The following ERI3 variants were observed in gnomAD, a reference collection of about 807,000 sequenced individuals.
ERI3 encodes ERI1 exoribonuclease 3.
ERI3 carries 18 observed loss-of-function variants against 44.4 expected under a neutral mutation model. The observed-to-expected ratio is 0.41, with a 90% confidence interval of 0.28 to 0.60. ERI3 has a LOEUF of 0.60. Among genes scored for constraint, ERI3 ranks in the 20% least tolerant of loss-of-function variants. ERI3 has a pLI of 0.36. For missense variants in ERI3, 294 were observed against 435.5 expected (o/e 0.68, Z 2.89); for synonymous variants, 183 against 164.8 (o/e 1.11, Z -0.84).
At chr1:44,304,973 T>C (rs978669984) in intron 6 of ERI3, among the ~76,000 whole-genome samples, 1 of 152,152 alleles carries the variant, frequency 6.6e-6, no homozygotes, top group Non-Finnish European at 1.5e-5. Context: ...TGAGCCTAAG[T>C]GAGGGTCCTC....
At chr1:44,245,672 C>T (rs1644539652) in intron 8 of ERI3, among the ~76,000 whole-genome samples, 1 of 152,202 alleles carries the variant, frequency 6.6e-6, no homozygotes, top group South Asian at 2.1e-4. Context: ...GAAGGGACAC[C>T]TCACAGGTCC....
chr1:44,282,589 C>T (rs961572149), intron 7 of ERI3, among the ~76,000 whole-genome samples: 3 of 152,194 alleles, frequency 2.0e-5, no homozygotes, highest in African/African-American at 7.2e-5. Flanking sequence ...GAGTACCATG[C>T]CCCTGGGCCT....
intron 3 of ERI3, among the ~76,000 whole-genome samples, chr1:44,338,782 G>A (rs940217431): frequency 6.6e-6 from 1 of 152,122 alleles, no homozygotes; most frequent in Non-Finnish European, 1.5e-5. Context: ...AACAGAGAAA[G>A]GAAGGACGGG....
rs780384183 is a variant in ERI3, at chr1:44,352,853, T to C, written c.208A>G (p.Arg70Gly). The C allele has an allele frequency of 3.7e-6, 6 of 1,613,902 alleles. No individual in the cohort carries two copies. In the African/African-American group the frequency reaches 8.0e-5, roughly 22 times the overall value. ...GACCATGCAACAGGATTCTCACCTC[T>C]CCTTACTTCGAAGATGCCAAGACCG... is the stretch of plus-strand genomic sequence containing the variant. ...AAGLGIFEVR[R>G]VLDASGCSML... The change falls in exon 2 of 9, where the codon AGA becomes GGA. Residue 70 changes from arginine (R) to glycine (G), a missense_variant. Around this residue, in one of 2 missense-constraint regions of ERI3, gnomAD observed 107 missense variants for 96.9 expected, o/e 1.10. Coordinates refer to ENST00000372257, the MANE Select transcript of ERI3 (RefSeq NM_024066.3).
chr1:44,310,954 C>CGA (rs1557840786), intron 5 of ERI3, among the ~76,000 whole-genome samples: 1 of 69,016 alleles, frequency 1.4e-5, no homozygotes, highest in African/African-American at 6.5e-5. Flanking sequence ...GTGCACATCG[C>CGA]GCGCGCGCGC....
intron 7 of ERI3, among the ~76,000 whole-genome samples, chr1:44,264,278 G>C (rs906760606): frequency 6.6e-6 from 1 of 152,162 alleles, no homozygotes; most frequent in African/African-American, 2.4e-5. Flanking sequence ...CCAGGTTACT[G>C]ACAAGAAACA....
chr1:44,349,690 G>A (rs1646853692), intron 2 of ERI3, among the ~76,000 whole-genome samples: 1 of 152,118 alleles, frequency 6.6e-6, no homozygotes, highest in Non-Finnish European at 1.5e-5. Context: ...TATAAAATTT[G>A]ATTAGTGATA....
chr1:44,319,582 A>AATTCCCCT, intron 4 of ERI3, 46 bp downstream of exon 4: 2 of 1,415,686 alleles, frequency 1.4e-6, no homozygotes, highest in Non-Finnish European at 2.0e-6. Flanking sequence ...AGGATTCCAA[A>AATTCCCCT]ATTCCCCTCC....
chr1:44,322,611 G>C, intron 3 of ERI3: 4 of 1,296,816 alleles, frequency 3.1e-6, no homozygotes, highest in East Asian at 2.7e-5. Flanking sequence ...TATTAACAAT[G>C]AGCCTACACA....
chr1:44,273,750 G>A (rs939939561), intron 7 of ERI3, among the ~76,000 whole-genome samples: 1 of 152,224 alleles, frequency 6.6e-6, no homozygotes, highest in African/African-American at 2.4e-5. Flanking sequence ...GGGAACATCA[G>A]AGAAAGCATC....
chr1:44,336,259 C>T (rs769534193), intron 3 of ERI3, among the ~76,000 whole-genome samples: 13 of 152,182 alleles, frequency 8.5e-5, no homozygotes, highest in Non-Finnish European at 1.3e-4. Flanking sequence ...CTGACAACTT[C>T]TCCAATCCGT....
At chr1:44,323,221 G>A (rs1425998599) in intron 3 of ERI3, among the ~76,000 whole-genome samples, 1 of 152,206 alleles carries the variant, frequency 6.6e-6, no homozygotes, top group East Asian at 1.9e-4. Flanking sequence ...TGCCTACTTT[G>A]TGTAGGCTAT....
chr1:44,316,027 A>G (rs1372466715), intron 4 of ERI3, among the ~76,000 whole-genome samples: 1 of 151,086 alleles, frequency 6.6e-6, no homozygotes, highest in East Asian at 1.9e-4. Flanking sequence ...TCTACCTGAT[A>G]CTAATGACCT....
At chr1:44,354,211 G>A (rs1271762409) in intron 1 of ERI3, 39 of 985,242 alleles carry the variant, frequency 4.0e-5, no homozygotes, top group Non-Finnish European at 4.5e-5. Flanking sequence ...CTGCCCTTCC[G>A]CTGGGAGACT....
intron 7 of ERI3, among the ~76,000 whole-genome samples, chr1:44,248,895 C>T (rs1387809214): frequency 6.6e-6 from 1 of 152,106 alleles, no homozygotes; most frequent in Non-Finnish European, 1.5e-5. Context: ...CCATCCCCTT[C>T]CCTCACCACC....
intron 3 of ERI3, among the ~76,000 whole-genome samples, chr1:44,327,661 C>T (rs1049492873): frequency 1.3e-5 from 2 of 152,178 alleles, no homozygotes; most frequent in African/African-American, 2.4e-5. Flanking sequence ...AACTACTATG[C>T]TCTACTGATT....
chr1:44,279,936 A>G lies in ERI3; in HGVS notation c.831+4899T>C, dbSNP rs536762152. On this transcript the variant is annotated intron_variant, in intron 7 of 8. Transcript: ENST00000372257. ...AAGAAACACTAGATAAACACAGGAA[A>G]CTATACCTCACTGAACAGGGCTGGG... 3.3e-5 allele frequency among the ~76,000 whole-genome samples: 5 copies of G among 152,362 alleles called. No homozygotes were observed. In the East Asian group the frequency reaches 9.6e-4, roughly 29 times the overall value.
In ERI3 at chr1:44,221,523, G is replaced by A. The variant is rs762244704; in HGVS notation, c.*35C>T. ...GGAGGATTCTGGGCTGGGCCAAACA[G>A]CTACCCTGTCCTGCCCCATCCTGTC... On this transcript the variant is annotated 3_prime_UTR_variant, in exon 9 of 9. Coordinates refer to ENST00000372257, the MANE Select transcript of ERI3 (RefSeq NM_024066.3). The surrounding 1 kb of genome is among the most constrained non-coding windows in gnomAD (Gnocchi z 5.9). The A allele has an allele frequency of 6.3e-7, 1 of 1,576,498 alleles. No individual in the cohort carries two copies. The highest frequency in any genetic ancestry group is 1.1e-5 in the South Asian group (1 of 90,182).
intron 7 of ERI3, among the ~76,000 whole-genome samples, chr1:44,275,373 G>GC (rs1451965610): frequency 1.3e-5 from 2 of 152,116 alleles, no homozygotes; most frequent in African/African-American, 4.8e-5. Context: ...CCTCCAATCT[G>GC]CATCATCCCG....
Sources: allele counts gnomAD v4.1 joint callset (sites outside exome capture counted in the v4.1 genomes callset), GRCh38; gene constraint gnomAD v4.1.1; regional missense constraint gnomAD v4.1.1; non-coding constraint Gnocchi (gnomAD v3.1); transcripts MANE v1.5; gene names NCBI Gene and HGNC (gene_info 2026-07-23, HGNC 2026-07-21).